Variants in DDAH1 observed in about 807,000 individuals in gnomAD.
The protein encoded by DDAH1 is dimethylarginine dimethylaminohydrolase 1.
A neutral mutation model predicts 28.8 loss-of-function variants in DDAH1; 19 were observed. The ratio of observed to expected loss-of-function variants is 0.66; its 90% CI spans 0.46 to 0.97. DDAH1 has a LOEUF of 0.97. Ranked by LOEUF, DDAH1 falls within the 50% of genes least tolerant of loss-of-function variation. The probability of loss-of-function intolerance (pLI) is 0.00; values close to 1 mark genes in which losing one functional copy is unlikely to be tolerated. For synonymous variants in DDAH1, 153 were observed against 154.4 expected (o/e 0.99, Z 0.07); for missense variants, 326 against 375.9 (o/e 0.87, Z 1.10).
At chr1:85,560,427 C>A (rs1455311941) in intron 1 of DDAH1, among the ~76,000 whole-genome samples, 1 of 151,966 alleles carries the variant, frequency 6.6e-6, no homozygotes, top group Non-Finnish European at 1.5e-5. Flanking sequence ...ATATGAAATA[C>A]TTTCTTTAAA....
intron 5 of DDAH1, among the ~76,000 whole-genome samples, chr1:85,322,750 G>A (rs1332879946): frequency 6.6e-6 from 1 of 152,174 alleles, no homozygotes; most frequent in African/African-American, 2.4e-5. Flanking sequence ...GCCTGGCACC[G>A]GGGAAGCCCT....
chr1:85,462,788 T>C (rs1655185050), intron 1 of DDAH1, among the ~76,000 whole-genome samples: 1 of 152,200 alleles, frequency 6.6e-6, no homozygotes, highest in Non-Finnish European at 1.5e-5. Context: ...ACCCAGATCA[T>C]GTGCAATGCA....
At chr1:85,488,052 G>A (rs1001138001) in intron 2 of DDAH1, among the ~76,000 whole-genome samples, 14 of 152,016 alleles carry the variant, frequency 9.2e-5, no homozygotes, top group Non-Finnish European at 4.4e-5. Context: ...AGGTGTGGTG[G>A]TGCACACCTG....
chr1:85,440,365 T>C (rs1654136605), intron 1 of DDAH1, among the ~76,000 whole-genome samples: 1 of 152,232 alleles, frequency 6.6e-6, no homozygotes, highest in South Asian at 2.1e-4. Flanking sequence ...GCTCTTTTGC[T>C]ATTAGCCTCT....
At chr1:85,449,949 T>C (rs1654595437) in intron 1 of DDAH1, among the ~76,000 whole-genome samples, 1 of 152,050 alleles carries the variant, frequency 6.6e-6, no homozygotes, top group African/African-American at 2.4e-5. Context: ...AGAGAGGGAA[T>C]ATTCCTAAGA....
intron 1 of DDAH1, among the ~76,000 whole-genome samples, chr1:85,363,299 T>C (rs972792574): frequency 3.9e-5 from 6 of 152,202 alleles, no homozygotes; most frequent in Admixed American, 2.6e-4. Flanking sequence ...TACTATGAAA[T>C]AAATGTGGCC....
intron 1 of DDAH1, among the ~76,000 whole-genome samples, chr1:85,418,768 T>A (rs1393301584): frequency 6.6e-6 from 1 of 152,196 alleles, no homozygotes; most frequent in East Asian, 1.9e-4. Context: ...TTCCCATCCA[T>A]TTGAATTGGT....
intron 1 of DDAH1, among the ~76,000 whole-genome samples, chr1:85,506,696 C>G: frequency 6.6e-6 from 1 of 152,210 alleles, no homozygotes; most frequent in East Asian, 1.9e-4. Context: ...TAGCTTGAAG[C>G]AAAAGTGTGG....
At chr1:85,398,181 A>T (rs986076817) in intron 1 of DDAH1, among the ~76,000 whole-genome samples, 1 of 152,090 alleles carries the variant, frequency 6.6e-6, no homozygotes, top group African/African-American at 2.4e-5. Context: ...TTGGCTTCCT[A>T]GTGATGAGAG....
chr1:85,546,388 A>G (rs1315501005), intron 1 of DDAH1, among the ~76,000 whole-genome samples: 2 of 152,194 alleles, frequency 1.3e-5, no homozygotes, highest in Non-Finnish European at 2.9e-5. Flanking sequence ...CGGTATTGAT[A>G]TTGAAATTCT....
At chr1:85,573,054 G>T (rs1458288955) in intron 1 of DDAH1, among the ~76,000 whole-genome samples, 2 of 152,220 alleles carry the variant, frequency 1.3e-5, no homozygotes, top group East Asian at 3.8e-4. Flanking sequence ...TAAAGATAAT[G>T]ATGGTGCTTG....
upstream of DDAH1, chr1:85,465,217 AG>A (rs1655323419): frequency 4.5e-6 from 5 of 1,117,330 alleles, no homozygotes; most frequent in Non-Finnish European, 5.5e-6. Flanking sequence ...GAGCATGCCC[AG>A]AGCTCCGGGC....
chr1:85,398,015 C>T (rs1453251621), intron 1 of DDAH1, among the ~76,000 whole-genome samples: 9 of 150,334 alleles, frequency 6.0e-5, no homozygotes, highest in African/African-American at 2.2e-4. Flanking sequence ...TCATAAATTA[C>T]CCAGTCTCAC....
intron 4 of DDAH1, among the ~76,000 whole-genome samples, chr1:85,329,280 G>A (rs1235443173): frequency 1.3e-5 from 2 of 152,222 alleles, no homozygotes; most frequent in African/African-American, 2.4e-5. Context: ...TGAAGTGACA[G>A]GGCCTGTCCA....
intron 1 of DDAH1, among the ~76,000 whole-genome samples, chr1:85,573,263 G>A (rs905258489): frequency 1.3e-5 from 2 of 152,170 alleles, no homozygotes; most frequent in African/African-American, 4.8e-5. Context: ...CATCTACTGT[G>A]CCCAGAGCAA....
chr1:85,343,645 C>G (rs1426735689), intron 4 of DDAH1, among the ~76,000 whole-genome samples: 3 of 152,184 alleles, frequency 2.0e-5, no homozygotes, highest in African/African-American at 7.2e-5. Context: ...ACAACAATAA[C>G]TAAAAATGCA....
chr1:85,434,288 TTG>T (rs1446682403), intron 1 of DDAH1, among the ~76,000 whole-genome samples: 2 of 152,220 alleles, frequency 1.3e-5, no homozygotes, highest in African/African-American at 4.8e-5. Context: ...CCCCATTGAC[TTG>T]TGATGCCTCC....
intron 1 of DDAH1, among the ~76,000 whole-genome samples, chr1:85,512,297 C>T (rs1301675100): frequency 1.3e-5 from 2 of 152,188 alleles, no homozygotes; most frequent in Non-Finnish European, 2.9e-5. Flanking sequence ...CAAAATTCAA[C>T]AGCCCTTCAT....
At chr1:85,420,694 T>TAA (rs1653099457) in intron 1 of DDAH1, among the ~76,000 whole-genome samples, 1 of 152,194 alleles carries the variant, frequency 6.6e-6, no homozygotes, top group Non-Finnish European at 1.5e-5. Flanking sequence ...TTAACCAGTC[T>TAA]CTAAGAAGTT....
Sources: gnomAD v4.1 joint callset for allele counts (sites outside exome capture counted in the v4.1 genomes callset) on GRCh38, gnomAD v4.1.1 for gene constraint, MANE v1.5 for transcripts, NCBI Gene and HGNC (gene_info 2026-07-23, HGNC 2026-07-21) for gene names.